The following SHOC2 variants were observed in gnomAD, a reference collection of about 807,000 sequenced individuals.
SHOC2 encodes the protein leucine-rich repeat protein SHOC-2.
Under a neutral mutation model 50.2 loss-of-function variants are expected in SHOC2, and 4 were observed. The ratio of observed to expected loss-of-function variants is 0.08; its 90% CI spans 0.04 to 0.18. The LOEUF (loss-of-function observed/expected upper bound fraction) is 0.18, where lower values mean the gene tolerates loss of function less well. SHOC2 is among the 10% of genes least tolerant of loss of function. The pLI is 1.00. For missense variants in SHOC2, 388 were observed against 669.6 expected, an observed-to-expected ratio of 0.58 and a Z score of 4.64; for synonymous variants, 218 against 244.5, an observed-to-expected ratio of 0.89 and a Z score of 1.01.
chr10:110,940,459 G>A (rs538158683), intron 1 of SHOC2, among the ~76,000 whole-genome samples: 1 of 152,290 alleles, frequency 6.6e-6, no homozygotes, highest in Non-Finnish European at 1.5e-5. Context: ...TGAAAATAGT[G>A]TATATTAAAA....
At chr10:110,951,135 C>A (rs1375180130) in intron 1 of SHOC2, among the ~76,000 whole-genome samples, 1 of 152,112 alleles carries the variant, frequency 6.6e-6, no homozygotes, top group African/African-American at 2.4e-5. Context: ...GCAAACCATA[C>A]ATTTAATAAA....
At chr10:110,966,087 C>G (rs982490706) in intron 2 of SHOC2, among the ~76,000 whole-genome samples, 3 of 151,950 alleles carry the variant, frequency 2.0e-5, no homozygotes, top group African/African-American at 7.2e-5. Flanking sequence ...GGTTTTGCAG[C>G]TTTTCAAAGA....
At chr10:110,958,794 G>A (rs569098079) in intron 1 of SHOC2, among the ~76,000 whole-genome samples, 2 of 151,808 alleles carry the variant, frequency 1.3e-5, no homozygotes, top group South Asian at 4.2e-4. Context: ...CGGCTACTCA[G>A]ACATTACCCT....
intron 1 of SHOC2, among the ~76,000 whole-genome samples, chr10:110,945,766 T>C (rs1168570418): frequency 6.6e-6 from 1 of 152,110 alleles, no homozygotes; most frequent in African/African-American, 2.4e-5. Flanking sequence ...TCTTAACTGT[T>C]CATGTTGCGC....
intron 1 of SHOC2, among the ~76,000 whole-genome samples, chr10:110,925,215 G>A (rs1452407587): frequency 6.7e-6 from 1 of 148,212 alleles, no homozygotes; most frequent in East Asian, 2.0e-4. Context: ...CATTTAAAAT[G>A]TACTCTTTTT....
At chr10:110,948,561 A>G (rs542969101) in intron 1 of SHOC2, among the ~76,000 whole-genome samples, 2 of 152,342 alleles carry the variant, frequency 1.3e-5, no homozygotes, top group South Asian at 4.1e-4. Flanking sequence ...GTATGAAACT[A>G]GAAATCAATA....
chr10:110,922,713 A>G (rs1846680235), intron 1 of SHOC2, among the ~76,000 whole-genome samples: 1 of 152,096 alleles, frequency 6.6e-6, no homozygotes, highest in Admixed American at 6.5e-5. Flanking sequence ...GTTAACTCAC[A>G]AATCCTTCAG....
At chr10:110,957,027 T>G (rs1243086810) in intron 1 of SHOC2, among the ~76,000 whole-genome samples, 1 of 152,196 alleles carries the variant, frequency 6.6e-6, no homozygotes, top group Non-Finnish European at 1.5e-5. Context: ...GAAAACAAGC[T>G]CTTTATTGGG....
intron 2 of SHOC2, among the ~76,000 whole-genome samples, chr10:110,975,754 A>G (rs1847866486): frequency 6.6e-6 from 1 of 152,044 alleles, no homozygotes; most frequent in African/African-American, 2.4e-5. Flanking sequence ...ATGCTTCTCC[A>G]CAGCTTCTCC....
Position 111,004,675 on chromosome 10 carries a change from G to T in SHOC2, c.1042G>T (p.Val348Leu). Residue 348 changes from valine to leucine, a missense_variant, in exon 5 of 9, where the codon GTG (valine) becomes TTG (leucine). Transcript: ENST00000369452. Reference sequence around the variant, plus strand: ...TAGAAATTGCTTCCAGTTGTATCCAGTGGGTGGTCCATCTCAGTTTTCTAC... The same window carrying T: ...TAGAAATTGCTTCCAGTTGTATCCATTGGGTGGTCCATCTCAGTTTTCTAC... Reference protein sequence around the residue: ...LARNCFQLYPVGGPSQFSTIY... With the variant: ...LARNCFQLYPLGGPSQFSTIY... 6.2e-7 allele frequency: 1 copy of T among 1,613,090 alleles called. No individual in the cohort carries two copies. Among genetic ancestry groups the T allele is most frequent in the East Asian group, 2.2e-5 (1 of 44,862 alleles).
intron 2 of SHOC2, among the ~76,000 whole-genome samples, chr10:110,969,905 T>G (rs1847746903): frequency 6.6e-6 from 1 of 152,184 alleles, no homozygotes; most frequent in Non-Finnish European, 1.5e-5. Flanking sequence ...GAAATAATAA[T>G]GAGAAATAAT....
At chr10:111,002,328 C>T (rs1848393634) in intron 4 of SHOC2, among the ~76,000 whole-genome samples, 1 of 152,160 alleles carries the variant, frequency 6.6e-6, no homozygotes, top group Non-Finnish European at 1.5e-5. Context: ...ATCCATTAGA[C>T]AGCACTTATG....
intron 1 of SHOC2, among the ~76,000 whole-genome samples, chr10:110,945,373 G>A (rs967706662): frequency 3.9e-5 from 6 of 152,302 alleles, no homozygotes; most frequent in Admixed American, 6.5e-5. Flanking sequence ...GGGAATGTGA[G>A]CTGTCGTTTC....
At chr10:110,954,957 G>C (rs7073880) in intron 1 of SHOC2, among the ~76,000 whole-genome samples, 15,521 of 152,150 alleles carry the variant, frequency 0.1, 1,201 homozygotes, top group East Asian at 0.24. Flanking sequence ...GAAGAGACAG[G>C]CAGGGAAACC....
At chr10:110,997,538 C>A (rs1022407051) in intron 3 of SHOC2, among the ~76,000 whole-genome samples, 1 of 152,034 alleles carries the variant, frequency 6.6e-6, no homozygotes, top group Non-Finnish European at 1.5e-5. Context: ...CTTTTTCCCC[C>A]CCAACTTAAC....
intron 2 of SHOC2, among the ~76,000 whole-genome samples, chr10:110,968,113 ATCC>A: frequency 6.6e-6 from 1 of 152,308 alleles, no homozygotes; most frequent in East Asian, 1.9e-4. Flanking sequence ...ATTTCTCTGC[ATCC>A]TCAGTAACCT....
rs201177592 is a variant in SHOC2, at chr10:110,985,774, G to A, written c.841+9G>A. ...CCTCCCAGATACTATAGGTATGAGAGGAGAAAGGAGATATTGATAGCTGTT... is the reference window on the plus strand; with the variant it reads ...CCTCCCAGATACTATAGGTATGAGAAGAGAAAGGAGATATTGATAGCTGTT... On this transcript the variant is annotated intron_variant, in intron 3 of 8. Coordinates refer to ENST00000369452, the MANE Select transcript of SHOC2 (RefSeq NM_007373.4). The A allele has an allele frequency of 5.6e-6, 9 of 1,610,732 alleles. No individual in the cohort carries two copies. Among genetic ancestry groups the A allele is most frequent in the Non-Finnish European group, 7.6e-6 (9 of 1,177,552 alleles).
At chr10:111,002,397 T>A (rs1011745848) in intron 4 of SHOC2, among the ~76,000 whole-genome samples, 1 of 152,222 alleles carries the variant, frequency 6.6e-6, no homozygotes, top group Non-Finnish European at 1.5e-5. Flanking sequence ...AAGGGCATAT[T>A]AAATAGCTGA....
At chr10:110,927,733 A>T (rs1238192618) in intron 1 of SHOC2, among the ~76,000 whole-genome samples, 1 of 152,186 alleles carries the variant, frequency 6.6e-6, no homozygotes, top group Non-Finnish European at 1.5e-5. Flanking sequence ...CCGCAAAATG[A>T]TGTGAGATTG....
Sources: gnomAD v4.1 joint callset for allele counts (sites outside exome capture counted in the v4.1 genomes callset) on GRCh38, gnomAD v4.1.1 for gene constraint, MANE v1.5 for transcripts, NCBI Gene and HGNC (gene_info 2026-07-23, HGNC 2026-07-21) for gene names.